Variants in NALCN observed in about 807,000 individuals in gnomAD.
The protein encoded by NALCN is sodium leak channel NALCN.
In NALCN, 111 loss-of-function variants were observed where a neutral mutation model predicts 225.3. That is an observed-to-expected ratio of 0.49 (90% CI 0.42 to 0.58). NALCN has a LOEUF of 0.58. Among genes scored for constraint, NALCN ranks in the 20% least tolerant of loss-of-function variants. NALCN has a pLI of 0.00. For synonymous variants in NALCN, 764 were observed against 769.0 expected (o/e 0.99, Z 0.11); for missense variants, 1,378 against 2,202.4 (o/e 0.63, Z 7.49).
chr13:101,163,516 T>C (rs1276763916), intron 15 of NALCN, among the ~76,000 whole-genome samples: 2 of 152,146 alleles, frequency 1.3e-5, no homozygotes, highest in Non-Finnish European at 2.9e-5. Flanking sequence ...TCTAAGAAAG[T>C]CTCAAGTCTA....
chr13:101,161,421 T>C (rs2038178181), intron 15 of NALCN, among the ~76,000 whole-genome samples: 1 of 152,232 alleles, frequency 6.6e-6, no homozygotes, highest in South Asian at 2.1e-4. Flanking sequence ...TGTAGAAACC[T>C]GAAACCAGGA....
intron 41 of NALCN, among the ~76,000 whole-genome samples, chr13:101,060,268 G>GTTTTGTTTTTTTTTTTTTTTTTTTT (rs1448927684): frequency 1.5e-5 from 1 of 68,384 alleles, no homozygotes; most frequent in African/African-American, 6.2e-5. Flanking sequence ...TGTTGTTGGT[G>GTTTTGTTTTTTTTTTTTTTTTTTTT]TTTTCTGTTT....
chr13:101,415,970 G>A (rs115950079), intron 1 of NALCN, among the ~76,000 whole-genome samples: 19,164 of 152,152 alleles, frequency 0.13, 1,336 homozygotes, highest in African/African-American at 0.18. Context: ...CCGAGGTGTC[G>A]CCGGCCCTGG....
chr13:101,229,082 C>A (rs2041251942), intron 13 of NALCN, among the ~76,000 whole-genome samples: 1 of 152,006 alleles, frequency 6.6e-6, no homozygotes, highest in Non-Finnish European at 1.5e-5. Flanking sequence ...AAAATGCAAG[C>A]TTTATTTTAA....
In NALCN at chr13:101,347,735, T is replaced by G. The variant is rs116682341; in HGVS notation, c.645-2315A>C. On this transcript the variant is annotated intron_variant, in intron 6 of 43. Coordinates refer to ENST00000251127, the MANE Select transcript of NALCN (RefSeq NM_052867.4). ...GCTCTAAGGGCCTCTAAGCTCAGCT[T>G]CCTCATCTGTAAGGTAGAGAGAGTA... Among the ~76,000 whole-genome samples the G allele has an allele frequency of 3.0e-3, 457 of 152,266 alleles. 2 individuals are homozygous for G. Among genetic ancestry groups the G allele is most frequent in the African/African-American group, 0.01 (428 of 41,560 alleles).
Position 101,083,263 on chromosome 13 carries a change from A to G in NALCN, c.3584-65T>C, listed in dbSNP as rs1428805547. Reference sequence around the variant, plus strand: ...GGTCACATTTACTTTCTTGTCGTTTATTTTCTTAAATGCTTATCTTAAAAC... The same window carrying G: ...GGTCACATTTACTTTCTTGTCGTTTGTTTTCTTAAATGCTTATCTTAAAAC... On this transcript the variant is annotated intron_variant, in intron 31 of 43. Coordinates refer to ENST00000251127, the MANE Select transcript of NALCN (RefSeq NM_052867.4). 3 of 1,284,082 alleles carry G rather than the reference A, an allele frequency of 2.3e-6. No homozygotes were observed. The African/African-American group carries it at 4.5e-5, about 19-fold the overall frequency. The allele number at this position is 1,284,082 out of a possible 1,614,324, so 79.5% of individuals were successfully genotyped here.
Position 101,068,477 on chromosome 13 carries a change from TG to T in NALCN, c.4330+217del, listed in dbSNP as rs556322125. On this transcript the variant is annotated intron_variant, in intron 38 of 43. Coordinates refer to ENST00000251127, the MANE Select transcript of NALCN (RefSeq NM_052867.4). ...ATGAGAAGAGCCCTTTTGAAATTAA[TG>T]ATCATAATAAATGCTACAACTCTTA... Among the ~76,000 whole-genome samples the T allele has an allele frequency of 1.6e-3, 247 of 152,344 alleles. 1 individual carries two copies. The highest frequency in any genetic ancestry group is 5.7e-3 in the African/African-American group (238 of 41,580).
chr13:101,416,717 C>T (rs555130095), upstream of NALCN, among the ~76,000 whole-genome samples: 8 of 152,240 alleles, frequency 5.3e-5, no homozygotes, highest in African/African-American at 1.7e-4. Flanking sequence ...TGCCGGCTGC[C>T]ACCCGCAGTC....
At position 101,124,697 on chromosome 13, in the gene NALCN, G is replaced by A. The variant is rs1323276518; in HGVS notation, c.2119-16C>T. On this transcript the variant is annotated splice_polypyrimidine_tract_variant and intron_variant, in intron 17 of 43. Coordinates refer to ENST00000251127, the MANE Select transcript of NALCN (RefSeq NM_052867.4). Reference sequence around the variant, plus strand: ...ACTTGCGAAGCTGAAAATGATAAGAGTATGACTTTTAGTTTTGGAATGTTA... The same window carrying A: ...ACTTGCGAAGCTGAAAATGATAAGAATATGACTTTTAGTTTTGGAATGTTA... The A allele has an allele frequency of 2.5e-6, 4 of 1,608,806 alleles. No homozygotes were observed. The highest frequency in any genetic ancestry group is 3.4e-6 in the Non-Finnish European group (4 of 1,176,712).
intron 10 of NALCN, among the ~76,000 whole-genome samples, chr13:101,262,595 T>A (rs2042465161): frequency 6.6e-6 from 1 of 152,198 alleles, no homozygotes. Context: ...AATCCTTTAG[T>A]CCTTGCAGCT....
intron 3 of NALCN, among the ~76,000 whole-genome samples, chr13:101,386,969 C>A (rs534348136): frequency 2.6e-5 from 4 of 152,122 alleles, no homozygotes; most frequent in African/African-American, 9.6e-5. Flanking sequence ...CGCCTGTAAT[C>A]CCAGCACTTT....
intron 38 of NALCN, 129 bp downstream of exon 38, chr13:101,068,566 A>T: frequency 1.0e-6 from 1 of 1,002,866 alleles, no homozygotes; most frequent in Non-Finnish European, 1.3e-6. Flanking sequence ...GGATTGAGAG[A>T]CAACAATTTA....
chr13:101,055,200 A>G lies in NALCN; in HGVS notation c.*95T>C. ...AACATCTTGTGACAAGCTGGAATTC[A>G]GTTATAGATCAATTACAGATTGCTC... On this transcript the variant is annotated 3_prime_UTR_variant, in exon 44 of 44. Coordinates refer to ENST00000251127, the MANE Select transcript of NALCN (RefSeq NM_052867.4). 1 of 945,476 alleles carries G rather than the reference A, an allele frequency of 1.1e-6. No homozygotes were observed. The highest frequency in any genetic ancestry group is 1.6e-6 in the Non-Finnish European group (1 of 628,574). The allele number at this position is 945,476 out of a possible 1,614,324, so 58.6% of individuals were successfully genotyped here.
chr13:101,360,977 C>G (rs1415220877), intron 6 of NALCN, among the ~76,000 whole-genome samples: 9 of 152,100 alleles, frequency 5.9e-5, no homozygotes, highest in African/African-American at 1.9e-4. Flanking sequence ...TATAACATAT[C>G]TTTTGGAGTT....
At chr13:101,068,877 A>G in intron 37 of NALCN, 50 bp from the exon 38 acceptor site, 2 of 1,513,244 alleles carry the variant, frequency 1.3e-6, no homozygotes, top group Non-Finnish European at 1.8e-6. Flanking sequence ...AGAGAATACA[A>G]ATTTCTTTTA....
intron 10 of NALCN, among the ~76,000 whole-genome samples, chr13:101,265,918 A>G (rs1220195293): frequency 2.0e-5 from 3 of 152,234 alleles, no homozygotes; most frequent in African/African-American, 4.8e-5. Flanking sequence ...GATAGAAGGT[A>G]TAAGTACATG....
At chr13:101,390,355 G>C (rs2047110693) in intron 3 of NALCN, among the ~76,000 whole-genome samples, 2 of 151,896 alleles carry the variant, frequency 1.3e-5, no homozygotes, top group East Asian at 1.9e-4. Context: ...GAAATACAGG[G>C]GACAGAGGAG....
At chr13:101,379,308 C>T (rs868165979) in intron 3 of NALCN, among the ~76,000 whole-genome samples, 1 of 152,062 alleles carries the variant, frequency 6.6e-6, no homozygotes, top group Non-Finnish European at 1.5e-5. Flanking sequence ...GACAGTGTGG[C>T]GATTCCTCAA....
chr13:101,409,107 T>C (rs2047705974), intron 1 of NALCN, among the ~76,000 whole-genome samples: 1 of 152,178 alleles, frequency 6.6e-6, no homozygotes, highest in Non-Finnish European at 1.5e-5. Context: ...GCCTTTAAAG[T>C]GATTGGGTTT....
Sources: allele counts gnomAD v4.1 joint callset (sites outside exome capture counted in the v4.1 genomes callset), GRCh38; gene constraint gnomAD v4.1.1; transcripts MANE v1.5; gene names NCBI Gene and HGNC (gene_info 2026-07-23, HGNC 2026-07-21).